The following CLMP variants were observed in gnomAD, a reference collection of about 807,000 sequenced individuals.
The protein encoded by CLMP is CXADR like cell adhesion molecule.
CLMP carries 27 observed loss-of-function variants against 45.2 expected under a neutral mutation model. The ratio of observed to expected loss-of-function variants is 0.60; its 90% CI spans 0.44 to 0.82. The LOEUF (loss-of-function observed/expected upper bound fraction) is 0.82. Among genes scored for constraint, CLMP ranks in the 40% least tolerant of loss-of-function variants. CLMP has a pLI of 0.00. For missense variants in CLMP, 403 were observed against 448.4 expected (o/e 0.90, Z 0.91); for synonymous variants, 167 against 171.4 (o/e 0.97, Z 0.20).
chr11:123,150,480 A>AAAGT (rs764502298), intron 1 of CLMP, among the ~76,000 whole-genome samples: 2 of 40,964 alleles, frequency 4.9e-5, no homozygotes, highest in Non-Finnish European at 9.4e-5. Context: ...AGAAAGAAAG[A>AAAGT]AAGGAAGGAA....
chr11:123,189,798 T>C (rs990692536), intron 1 of CLMP, among the ~76,000 whole-genome samples: 15 of 152,094 alleles, frequency 9.9e-5, no homozygotes, highest in Non-Finnish European at 1.6e-4. Flanking sequence ...GTCAGGAGTT[T>C]GAGACCAGCC....
intron 1 of CLMP, among the ~76,000 whole-genome samples, chr11:123,126,794 G>C (rs1860901637): frequency 6.6e-6 from 1 of 151,974 alleles, no homozygotes; most frequent in Admixed American, 6.6e-5. Context: ...CTACTTGGGA[G>C]ACTCAGGCAG....
At chr11:123,193,385 A>G (rs1415393843) in intron 1 of CLMP, among the ~76,000 whole-genome samples, 2 of 152,252 alleles carry the variant, frequency 1.3e-5, no homozygotes, top group Non-Finnish European at 2.9e-5. Flanking sequence ...GTTTTTAATA[A>G]GAGAGCCCTG....
intron 1 of CLMP, among the ~76,000 whole-genome samples, chr11:123,150,480 A>AAAGAAAGAAAGAAAGAAAGAAAGGAAGG (rs764502298): frequency 9.8e-5 from 4 of 40,964 alleles, no homozygotes; most frequent in Admixed American, 5.4e-4. Context: ...AGAAAGAAAG[A>AAAGAAAGAAAGAAAGAAAGAAAGGAAGG]AAGGAAGGAA....
At chr11:123,126,798 C>T (rs1248236490) in intron 1 of CLMP, among the ~76,000 whole-genome samples, 2 of 151,690 alleles carry the variant, frequency 1.3e-5, no homozygotes, top group Non-Finnish European at 2.9e-5. Flanking sequence ...TTGGGAGACT[C>T]AGGCAGGAGA....
chr11:123,137,088 C>T (rs1861083926), intron 1 of CLMP, among the ~76,000 whole-genome samples: 1 of 151,782 alleles, frequency 6.6e-6, no homozygotes, highest in South Asian at 2.1e-4. Flanking sequence ...CCAAATGAAC[C>T]TTCCACAATG....
At chr11:123,122,376 C>A (rs954120158) in intron 1 of CLMP, among the ~76,000 whole-genome samples, 1 of 152,138 alleles carries the variant, frequency 6.6e-6, no homozygotes, top group African/African-American at 2.4e-5. Context: ...CCTCCCACTT[C>A]CCCTGTTCAA....
chr11:123,083,704 G>T lies in CLMP; in HGVS notation c.532C>A (p.Arg178Ser), dbSNP rs1393191762. 6.2e-7 allele frequency: 1 copy of T among 1,614,056 alleles called. No individual in the cohort carries two copies. The highest frequency in any genetic ancestry group is 8.5e-7 in the Non-Finnish European group (1 of 1,180,024). The change falls in exon 4 of 7, where the codon CGT (arginine) becomes AGT (serine). Residue 178 changes from arginine (R) to serine (S), a missense_variant. Coordinates refer to ENST00000448775, the MANE Select transcript of CLMP (RefSeq NM_024769.5). ...CCAATCCTAGATTTGGGAGGCAGAC[G>T]TTCATCCTCTCCCTCTTTCTCTCGG... Reference protein sequence around the residue: ...RIREKEGEDERLPPKSRIDYN... With the variant: ...RIREKEGEDESLPPKSRIDYN...
chr11:123,110,882 G>C (rs116341920), intron 1 of CLMP, among the ~76,000 whole-genome samples: 1 of 152,148 alleles, frequency 6.6e-6, no homozygotes. Flanking sequence ...TGTTTAGTGA[G>C]TTTTCCATTA....
At chr11:123,153,965 C>T (rs10790555) in intron 1 of CLMP, among the ~76,000 whole-genome samples, 37,503 of 151,690 alleles carry the variant, frequency 0.25, 4,803 homozygotes, top group South Asian at 0.35. Flanking sequence ...GGATTACAGG[C>T]GTGAGCCACC....
intron 1 of CLMP, among the ~76,000 whole-genome samples, chr11:123,106,383 GTGTGTGT>G (rs1272958850): frequency 2.7e-5 from 2 of 73,610 alleles, no homozygotes; most frequent in African/African-American, 7.3e-5. Context: ...TCTGTAGGAG[GTGTGTGT>G]GTGTGTGTGT....
intron 1 of CLMP, among the ~76,000 whole-genome samples, chr11:123,104,584 C>T (rs149202801): frequency 0.02 from 3,100 of 151,974 alleles, 98 homozygotes; most frequent in East Asian, 0.17. Flanking sequence ...CGGGGTTTCA[C>T]CATGTTGGCC....
chr11:123,194,993 G>T lies in CLMP; in HGVS notation c.-53C>A, dbSNP rs953948071. The T allele has an allele frequency of 1.3e-6, 2 of 1,581,242 alleles. No homozygotes were observed. Among genetic ancestry groups the T allele is most frequent in the East Asian group, 2.4e-5 (1 of 41,514 alleles). On this transcript the variant is annotated 5_prime_UTR_variant, in exon 1 of 7. Transcript: ENST00000448775. ...CGCTCAGCTGCTGCTTGGCTCCGGG[G>T]CGGCCGGGCGCCTCCGACGGACCTC...
chr11:123,098,527 CTGTT>C (rs561298471), intron 1 of CLMP, among the ~76,000 whole-genome samples: 46 of 151,544 alleles, frequency 3.0e-4, no homozygotes, highest in Non-Finnish European at 5.7e-4. Context: ...TGTGCCCGGC[CTGTT>C]TGTTTGTTTG....
chr11:123,122,316 C>A (rs1169057885), intron 1 of CLMP, among the ~76,000 whole-genome samples: 1 of 152,136 alleles, frequency 6.6e-6, no homozygotes, highest in Non-Finnish European at 1.5e-5. Flanking sequence ...AGGTACTCTG[C>A]TCCATTTTTG....
intron 1 of CLMP, among the ~76,000 whole-genome samples, chr11:123,179,558 C>G (rs997498798): frequency 5.3e-5 from 8 of 152,100 alleles, no homozygotes; most frequent in Admixed American, 2.0e-4. Context: ...TGTGTTTGTG[C>G]TAGGAGGGGG....
At chr11:123,133,161 A>C (rs568396398) in intron 1 of CLMP, among the ~76,000 whole-genome samples, 22 of 152,282 alleles carry the variant, frequency 1.4e-4, no homozygotes, top group African/African-American at 4.3e-4. Context: ...CAATGACATC[A>C]GTATAGAATC....
chr11:123,083,804 T>C lies in CLMP; in HGVS notation c.432A>G (p.Thr144=), dbSNP rs1289446064. 2 of 1,613,792 alleles carry C rather than the reference T, an allele frequency of 1.2e-6. No individual in the cohort carries two copies. Among genetic ancestry groups the C allele is most frequent in the Non-Finnish European group, 1.7e-6 (2 of 1,180,032 alleles). ...ACTGCAAAGTCAGGTCACTTCCTTCTGTCAGCTCTCCTTCCAACTCACACT... is the reference window on the plus strand; with the variant it reads ...ACTGCAAAGTCAGGTCACTTCCTTCCGTCAGCTCTCCTTCCAACTCACACT... The part of the protein sequence containing the change: ...KPKCELEGEL[T]EGSDLTLQCE... Residue 144 remains threonine (T), a synonymous_variant, in exon 4 of 7, where the codon ACA becomes ACG. Coordinates refer to ENST00000448775, the MANE Select transcript of CLMP (RefSeq NM_024769.5).
At chr11:123,080,860 G>C (rs1345470594) in intron 5 of CLMP, among the ~76,000 whole-genome samples, 1 of 152,052 alleles carries the variant, frequency 6.6e-6, no homozygotes, top group Non-Finnish European at 1.5e-5. Context: ...ATTAATAAGG[G>C]GGCGCTGGGT....
Sources: gnomAD v4.1 joint callset for allele counts (sites outside exome capture counted in the v4.1 genomes callset) on GRCh38, gnomAD v4.1.1 for gene constraint, MANE v1.5 for transcripts, NCBI Gene and HGNC (gene_info 2026-07-23, HGNC 2026-07-21) for gene names.